Variants in MTMR3 observed in about 807,000 individuals in gnomAD.
MTMR3 encodes the protein phosphatidylinositol-3,5-bisphosphate 3-phosphatase MTMR3.
In MTMR3, 32 loss-of-function variants were observed where a neutral mutation model predicts 132.4. That is an observed-to-expected ratio of 0.24 (90% confidence interval 0.18 to 0.32). The LOEUF is 0.32. Among genes scored for constraint, MTMR3 ranks in the 10% least tolerant of loss-of-function variants. The pLI, the probability that MTMR3 is intolerant of heterozygous loss-of-function variation, is 1.00. For synonymous variants in MTMR3, 556 were observed against 550.3 expected (o/e 1.01, Z -0.14); for missense variants, 1,216 against 1,489.6 (o/e 0.82, Z 3.02).
chr22:29,931,780 C>CTTTTTT (rs34210747), intron 1 of MTMR3, among the ~76,000 whole-genome samples: 12 of 140,936 alleles, frequency 8.5e-5, no homozygotes, highest in African/African-American at 2.9e-4. Context: ...AGAGAGAATC[C>CTTTTTT]TTTTTTTTTT....
In MTMR3 at chr22:30,020,653, A is replaced by C. The variant is rs2145975271; in HGVS notation, c.2994A>C (p.Ser998=). ...NLHHKWLHSH[S]GRPSATSSPD... ...ACCACAAGTGGCTGCATAGCCACTCAGGAAGGCCATCTGCAACCAGCAGCC... is the reference window on the plus strand; with the variant it reads ...ACCACAAGTGGCTGCATAGCCACTCCGGAAGGCCATCTGCAACCAGCAGCC... The change falls in exon 17 of 20, where the codon TCA becomes TCC. Residue 998 remains serine (S), a synonymous_variant. Transcript: ENST00000401950. 1.2e-6 allele frequency: 2 copies of C among 1,614,228 alleles called. No individual in the cohort carries two copies. Among genetic ancestry groups the C allele is most frequent in the East Asian group, 4.5e-5 (2 of 44,892 alleles).
intron 5 of MTMR3, chr22:29,982,847 T>A (rs2066776209): frequency 6.6e-6 from 1 of 152,142 alleles, no homozygotes; most frequent in South Asian, 2.1e-4. Context: ...TTTTCCCAAA[T>A]TATTATATAT....
Position 30,019,524 on chromosome 22 carries a change from A to T in MTMR3, c.1865A>T (p.Asp622Val), listed in dbSNP as rs1336887827. 6.2e-7 allele frequency: 1 copy of T among 1,611,002 alleles called. No individual in the cohort carries two copies. The highest frequency in any genetic ancestry group is 1.7e-5 in the Admixed American group (1 of 60,020). The change falls in exon 17 of 20, where the codon GAC (aspartate) becomes GTC (valine). Residue 622 changes from aspartate (D) to valine (V), a missense_variant. Coordinates refer to ENST00000401950, the MANE Select transcript of MTMR3 (RefSeq NM_021090.4). ...TACGACAATCTGACCACAGCCTGTG[A>T]CAACACAGTGCCTCTGGCCAGCCGG... ...RSYDNLTTAC[D>V]NTVPLASRRC...
intron 1 of MTMR3, among the ~76,000 whole-genome samples, chr22:29,938,099 G>A (rs1003304957): frequency 6.6e-6 from 1 of 152,112 alleles, no homozygotes; most frequent in Non-Finnish European, 1.5e-5. Context: ...TTTCACCTAG[G>A]ATCTCATTAT....
At chr22:29,984,949 C>T (rs944183284) in intron 5 of MTMR3, 1 of 152,210 alleles carries the variant, frequency 6.6e-6, no homozygotes, top group Non-Finnish European at 1.5e-5. Context: ...GATCCTGGTC[C>T]TGACTTTACT....
rs149196045 is a variant in MTMR3, at chr22:29,934,551, TGTG to T, written c.-137-22482_-137-22480del. On this transcript the variant is annotated intron_variant, in intron 1 of 19. Coordinates refer to ENST00000401950, the MANE Select transcript of MTMR3 (RefSeq NM_021090.4). Reference sequence around the variant, plus strand: ...ATTTTAATATAAAAATCTACACTAATGTGGTCTCTTTTCCTTAGTATCTAAGTT... The same window carrying T: ...ATTTTAATATAAAAATCTACACTAATGTCTCTTTTCCTTAGTATCTAAGTT... Among the ~76,000 whole-genome samples the T allele has an allele frequency of 5.2e-3, 792 of 152,364 alleles. 6 individuals are homozygous for T. Among genetic ancestry groups the T allele is most frequent in the Non-Finnish European group, 8.8e-3 (597 of 68,036 alleles).
intron 1 of MTMR3, among the ~76,000 whole-genome samples, chr22:29,934,583 A>G (rs961986767): frequency 3.9e-5 from 6 of 152,172 alleles, no homozygotes; most frequent in Non-Finnish European, 7.4e-5. Context: ...CTAAGTTTTT[A>G]ATGTCATTAT....
intron 1 of MTMR3, among the ~76,000 whole-genome samples, chr22:29,927,586 AGCCG>A (rs2065542151): frequency 6.6e-6 from 1 of 152,114 alleles, no homozygotes; most frequent in Admixed American, 6.6e-5. Context: ...CGAGGTGTTT[AGCCG>A]GTACTTCTGT....
At chr22:29,945,162 G>T (rs1269274513) in intron 1 of MTMR3, among the ~76,000 whole-genome samples, 1 of 152,134 alleles carries the variant, frequency 6.6e-6, no homozygotes, top group Non-Finnish European at 1.5e-5. Context: ...ACAGGCACGT[G>T]CCATGAGGCC....
intron 11 of MTMR3, chr22:30,008,573 G>A (rs1046665896): frequency 1.2e-5 from 2 of 162,160 alleles, no homozygotes; most frequent in Non-Finnish European, 2.7e-5. Context: ...ACAGGCAGAG[G>A]CACCAGGCTC....
At chr22:30,012,153 G>A (rs1332928865) in intron 12 of MTMR3, 13 of 502,016 alleles carry the variant, frequency 2.6e-5, no homozygotes, top group Non-Finnish European at 4.5e-5. Context: ...GCTATTAATT[G>A]TAGCCCCTAT....
intron 1 of MTMR3, among the ~76,000 whole-genome samples, chr22:29,923,461 C>T (rs2065459724): frequency 6.6e-6 from 1 of 152,016 alleles, no homozygotes; most frequent in African/African-American, 2.4e-5. Flanking sequence ...ACCTTGGCCT[C>T]CCAAAGTGCT....
At chr22:29,944,423 AAAGTC>A (rs1285949549) in intron 1 of MTMR3, among the ~76,000 whole-genome samples, 1 of 152,058 alleles carries the variant, frequency 6.6e-6, no homozygotes, top group African/African-American at 2.4e-5. Flanking sequence ...ATCCTCACAT[AAAGTC>A]ATGTTTTTGA....
At chr22:29,952,008 G>C (rs1010624942) in intron 1 of MTMR3, among the ~76,000 whole-genome samples, 1 of 150,288 alleles carries the variant, frequency 6.7e-6, no homozygotes, top group African/African-American at 2.4e-5. Flanking sequence ...GCCCACCTCA[G>C]CCTCCTAGTA....
intron 6 of MTMR3, chr22:29,990,524 TAGTC>T (rs2066941503): frequency 1.3e-5 from 2 of 152,336 alleles, no homozygotes; most frequent in Non-Finnish European, 2.9e-5. Context: ...GCTTATTAAT[TAGTC>T]AGTTTTTAAC....
At position 29,947,514 on chromosome 22, in the gene MTMR3, A is replaced by C. The variant is rs562941344; in HGVS notation, c.-137-9522A>C. On this transcript the variant is annotated intron_variant, in intron 1 of 19. Coordinates refer to ENST00000401950, the MANE Select transcript of MTMR3 (RefSeq NM_021090.4). ...CAGTATGCTAAATTAAAAAAAAAAA[A>C]CAAAAAACCCTGCCTCCCAGTTTTC... Among the ~76,000 whole-genome samples the C allele has an allele frequency of 1.4e-4, 21 of 151,546 alleles. 1 individual carries two copies. The East Asian group carries it at 1.9e-3, about 14-fold the overall frequency.
Position 29,906,286 on chromosome 22 carries a change from GTCTATCTATCTATCTATCTA to G in MTMR3, c.-138+22955_-138+22974del, listed in dbSNP as rs369642536. ...TGTCTGTCTGTCTGTCTGTCTGTCT[GTCTATCTATCTATCTATCTA>G]TCTATCTATCTATCTATCTATCTAT... On this transcript the variant is annotated intron_variant, in intron 1 of 19. Transcript: ENST00000401950. Among the ~76,000 whole-genome samples, 627 of 74,504 alleles carry G rather than the reference GTCTATCTATCTATCTATCTA, an allele frequency of 8.4e-3. 3 individuals carry two copies. Among genetic ancestry groups the G allele is most frequent in the Middle Eastern group, 0.029 (4 of 138 alleles). The allele number at this position is 74,504 out of a possible 152,430, so 48.9% of individuals were successfully genotyped here. A position where few individuals can be genotyped will look rare whatever the true frequency, so the allele number is the denominator to read the frequency against.
chr22:30,012,715 G>GGAGGAACCACCACAA, intron 13 of MTMR3, 152 bp downstream of exon 13: 1 of 791,118 alleles, frequency 1.3e-6, no homozygotes, highest in Non-Finnish European at 1.9e-6. Flanking sequence ...CTAAATTGTG[G>GGAGGAACCACCACAA]TGGTTCCTCC....
intron 1 of MTMR3, among the ~76,000 whole-genome samples, chr22:29,939,349 G>A (rs555911146): frequency 6.6e-6 from 1 of 152,262 alleles, no homozygotes; most frequent in East Asian, 1.9e-4. Context: ...AAGGGACTTT[G>A]TTGGAGCTGA....
Sources: gnomAD v4.1 joint callset for allele counts (sites outside exome capture counted in the v4.1 genomes callset) on GRCh38, gnomAD v4.1.1 for gene constraint, MANE v1.5 for transcripts, NCBI Gene and HGNC (gene_info 2026-07-23, HGNC 2026-07-21) for gene names.